The following GALNT13 variants were observed in gnomAD, a reference collection of about 807,000 sequenced individuals.
GALNT13 encodes UDP-GalNAc:polypeptide N-acetylgalactosaminyltransferase 13.
A neutral mutation model predicts 64.2 loss-of-function variants in GALNT13; 28 were observed. The observed-to-expected ratio is 0.44, with a 90% CI of 0.32 to 0.60. The LOEUF is 0.60. Ranked by LOEUF, GALNT13 falls within the 20% of genes least tolerant of loss-of-function variation. The pLI, the probability that GALNT13 is intolerant of heterozygous loss-of-function variation, is 0.05. For missense variants in GALNT13, 577 were observed against 669.8 expected, an observed-to-expected ratio of 0.86 and a Z score of 1.53; for synonymous variants, 214 against 224.6, an observed-to-expected ratio of 0.95 and a Z score of 0.42.
At chr2:154,397,901 G>C (rs1699130077) in intron 10 of GALNT13, among the ~76,000 whole-genome samples, 1 of 152,110 alleles carries the variant, frequency 6.6e-6, no homozygotes, top group Non-Finnish European at 1.5e-5. Flanking sequence ...GTACCTCAAA[G>C]TATTTTTTTG....
At chr2:153,129,426 G>C in the GALNT13 span, among the ~76,000 whole-genome samples, 4 of 152,228 alleles carry the variant, frequency 2.6e-5, no homozygotes, top group African/African-American at 9.6e-5. Flanking sequence ...ATGCTTACCA[G>C]TAGGCAAAAG....
At chr2:154,349,672 CAG>C (rs1201107579) in intron 9 of GALNT13, among the ~76,000 whole-genome samples, 1 of 152,134 alleles carries the variant, frequency 6.6e-6, no homozygotes, top group African/African-American at 2.4e-5. Context: ...GACACAGGTG[CAG>C]AGAGAGAAGC....
the GALNT13 span, among the ~76,000 whole-genome samples, chr2:153,629,878 C>T: frequency 6.8e-6 from 1 of 148,002 alleles, no homozygotes; most frequent in African/African-American, 2.6e-5. Flanking sequence ...ATTTATGCAG[C>T]CAAAAAACAC....
chr2:153,886,057 C>G (rs1687153845), intron 1 of GALNT13, among the ~76,000 whole-genome samples: 1 of 151,474 alleles, frequency 6.6e-6, no homozygotes, highest in South Asian at 2.1e-4. Flanking sequence ...AGGTTCCCCC[C>G]ATAGTGTAGG....
At chr2:154,126,766 T>C (rs1036141465) in intron 3 of GALNT13, among the ~76,000 whole-genome samples, 35 of 152,216 alleles carry the variant, frequency 2.3e-4, no homozygotes, top group African/African-American at 8.0e-4. Context: ...TTTTGAAGAA[T>C]GCAAGGTAAT....
At chr2:153,402,974 A>G in the GALNT13 span, among the ~76,000 whole-genome samples, 1 of 152,032 alleles carries the variant, frequency 6.6e-6, no homozygotes, top group African/African-American at 2.4e-5. Context: ...CTGGTGAGGA[A>G]CTGCGTTCCT....
At chr2:153,653,178 T>A in the GALNT13 span, among the ~76,000 whole-genome samples, 1 of 104,696 alleles carries the variant, frequency 9.6e-6, no homozygotes, top group Non-Finnish European at 2.5e-5. Context: ...GAAATAACAA[T>A]TGGGATAAAA....
At chr2:153,844,004 T>A in the GALNT13 span, among the ~76,000 whole-genome samples, 2 of 152,176 alleles carry the variant, frequency 1.3e-5, no homozygotes, top group African/African-American at 4.8e-5. Context: ...GTTTAGTGCC[T>A]ACAGCTTTTC....
At chr2:153,753,564 G>A in the GALNT13 span, among the ~76,000 whole-genome samples, 9 of 152,292 alleles carry the variant, frequency 5.9e-5, no homozygotes, top group African/African-American at 2.2e-4. Context: ...AGAGATTCTT[G>A]TTTTCTTCCC....
chr2:153,122,320 C>T, the GALNT13 span, among the ~76,000 whole-genome samples: 1 of 151,952 alleles, frequency 6.6e-6, no homozygotes, highest in Non-Finnish European at 1.5e-5. Context: ...ATGGCATGAA[C>T]AAATTTTTGT....
the GALNT13 span, among the ~76,000 whole-genome samples, chr2:153,628,559 T>C: frequency 2.0e-5 from 3 of 151,828 alleles, no homozygotes; most frequent in Admixed American, 6.6e-5. Flanking sequence ...GCATGAAGGG[T>C]TGTTGAATTT....
intron 3 of GALNT13, among the ~76,000 whole-genome samples, chr2:154,064,557 A>G (rs953340534): frequency 6.6e-6 from 1 of 152,136 alleles, no homozygotes; most frequent in Non-Finnish European, 1.5e-5. Context: ...AGTAGGCTAC[A>G]GCACTGGGCA....
the GALNT13 span, among the ~76,000 whole-genome samples, chr2:153,436,685 C>A: frequency 1.3e-5 from 2 of 152,136 alleles, no homozygotes; most frequent in African/African-American, 4.8e-5. Flanking sequence ...TCCTCTTTAT[C>A]ATTTTTTATT....
rs7580164 is a variant in GALNT13 at position 153,989,972 on chromosome 2, T to A, written c.142+45333T>A. On this transcript the variant is annotated intron_variant, in intron 3 of 12. Coordinates refer to ENST00000392825, the MANE Select transcript of GALNT13 (RefSeq NM_052917.4). Reference sequence around the variant, plus strand: ...AAAACAAAAAAGGATCAACAACATATGACAATATGTTGGTTGAAATAGAAC... The same window carrying A: ...AAAACAAAAAAGGATCAACAACATAAGACAATATGTTGGTTGAAATAGAAC... Among the ~76,000 whole-genome samples, 420 of 152,172 alleles carry A rather than the reference T, an allele frequency of 2.8e-3. 1 individual carries two copies. Among genetic ancestry groups the A allele is most frequent in the African/African-American group, 9.6e-3 (397 of 41,560 alleles).
intron 4 of GALNT13, among the ~76,000 whole-genome samples, chr2:154,212,331 G>A (rs894513941): frequency 1.6e-4 from 25 of 151,704 alleles, no homozygotes; most frequent in African/African-American, 3.6e-4. Context: ...TTCAACCTCT[G>A]CCTCCTGGGT....
At chr2:153,127,895 T>C in the GALNT13 span, among the ~76,000 whole-genome samples, 1 of 152,200 alleles carries the variant, frequency 6.6e-6, no homozygotes. Context: ...AATAATAACA[T>C]TTGCTGAGTA....
At chr2:154,178,649 A>C (rs182936733) in intron 4 of GALNT13, among the ~76,000 whole-genome samples, 103 of 152,284 alleles carry the variant, frequency 6.8e-4, no homozygotes, top group African/African-American at 2.5e-3. Flanking sequence ...ATCAATTAAC[A>C]TATTCTTCAA....
At chr2:153,655,548 A>G in the GALNT13 span, among the ~76,000 whole-genome samples, 1 of 152,142 alleles carries the variant, frequency 6.6e-6, no homozygotes, top group Non-Finnish European at 1.5e-5. Context: ...GTGGATAGCT[A>G]TGGGTTTGAA....
the GALNT13 span, among the ~76,000 whole-genome samples, chr2:153,272,928 A>G: frequency 4.6e-5 from 7 of 152,234 alleles, no homozygotes; most frequent in Non-Finnish European, 2.9e-5. Flanking sequence ...ATGGAATACT[A>G]TGCATCCATA....
Sources: gnomAD v4.1 joint callset for allele counts (sites outside exome capture counted in the v4.1 genomes callset) on GRCh38, gnomAD v4.1.1 for gene constraint, MANE v1.5 for transcripts, NCBI Gene and HGNC (gene_info 2026-07-23, HGNC 2026-07-21) for gene names.